CBL: variants seen among roughly 807,000 people sequenced by gnomAD.
The protein encoded by CBL is E3 ubiquitin-protein ligase CBL.
A neutral mutation model predicts 96.9 loss-of-function variants in CBL; 45 were observed. The observed-to-expected ratio is 0.46, with a 90% CI of 0.37 to 0.60. The LOEUF (loss-of-function observed/expected upper bound fraction) is 0.60. Among genes scored for constraint, CBL ranks in the 20% least tolerant of loss-of-function variants. CBL has a pLI of 0.00. For synonymous variants in CBL, 420 were observed against 426.8 expected (o/e 0.98, Z 0.20); for missense variants, 1,024 against 1,143.5 (o/e 0.90, Z 1.51).
intron 1 of CBL, among the ~76,000 whole-genome samples, chr11:119,227,791 C>A (rs1334059715): frequency 6.6e-6 from 1 of 152,182 alleles, no homozygotes; most frequent in Non-Finnish European, 1.5e-5. Flanking sequence ...CTCAGGTGAT[C>A]CACCTGCCTT....
At chr11:119,255,252 G>A (rs570415828) in intron 2 of CBL, among the ~76,000 whole-genome samples, 16 of 152,094 alleles carry the variant, frequency 1.1e-4, no homozygotes, top group Non-Finnish European at 2.2e-4. Context: ...AGAAACTCCT[G>A]GCCAGAGGGA....
rs778266125 is a variant in CBL at position 119,302,562 on chromosome 11, C to G, written c.*2781C>G. The G allele has an allele frequency of 8.6e-6, 2 of 232,380 alleles. No homozygotes were observed. Among genetic ancestry groups the G allele is most frequent in the East Asian group, 6.1e-5 (1 of 16,462 alleles). The allele number at this position is 232,380 out of a possible 1,614,324, so 14.4% of individuals were successfully genotyped here. On this transcript the variant is annotated 3_prime_UTR_variant, in exon 16 of 16. Transcript: ENST00000264033. The stretch of plus-strand genomic sequence containing the variant: ...AAAAAAACCCACACTACTTTGTTCT[C>G]TTTTTCTCATATTCATTGGGCTGTT...
At chr11:119,237,215 CTTCT>C (rs1949552903) in intron 2 of CBL, among the ~76,000 whole-genome samples, 1 of 152,218 alleles carries the variant, frequency 6.6e-6, no homozygotes, top group Non-Finnish European at 1.5e-5. Flanking sequence ...GACTATTTAT[CTTCT>C]TTGGAGAAAC....
chr11:119,256,034 C>T (rs778002920), intron 2 of CBL, among the ~76,000 whole-genome samples: 19 of 150,252 alleles, frequency 1.3e-4, no homozygotes, highest in African/African-American at 4.2e-4. Flanking sequence ...TGCACCTGGC[C>T]GATACATTTA....
chr11:119,231,711 AAAAC>A (rs564610744), intron 1 of CBL, among the ~76,000 whole-genome samples: 32 of 152,170 alleles, frequency 2.1e-4, no homozygotes, highest in Admixed American at 5.9e-4. Context: ...TCTGTCTCAA[AAAAC>A]AAACAAACAA....
chr11:119,228,600 C>T (rs1592375671), intron 1 of CBL, among the ~76,000 whole-genome samples: 1 of 149,826 alleles, frequency 6.7e-6, no homozygotes, highest in Non-Finnish European at 1.5e-5. Context: ...GAGCAAAACT[C>T]CATCTCAAAA....
chr11:119,298,673 A>C, intron 15 of CBL, 133 bp downstream of exon 15: 1 of 820,580 alleles, frequency 1.2e-6, no homozygotes, highest in Non-Finnish European at 2.1e-6. Flanking sequence ...AATGGGAGGA[A>C]AGTCCCAAGT....
intron 1 of CBL, among the ~76,000 whole-genome samples, chr11:119,212,353 T>G (rs1949324971): frequency 6.6e-6 from 1 of 151,984 alleles, no homozygotes; most frequent in African/African-American, 2.4e-5. Flanking sequence ...GCCGGGTGTG[T>G]GGTGGCTCAT....
intron 2 of CBL, among the ~76,000 whole-genome samples, chr11:119,238,206 A>G (rs1244622330): frequency 6.9e-6 from 1 of 145,528 alleles, no homozygotes; most frequent in Non-Finnish European, 1.5e-5. Context: ...CAGCCTGTCA[A>G]TTTGATCCCA....
At chr11:119,286,716 G>A (rs1949987249) in intron 11 of CBL, among the ~76,000 whole-genome samples, 1 of 152,136 alleles carries the variant, frequency 6.6e-6, no homozygotes, top group African/African-American at 2.4e-5. Context: ...GAAGGGGGTA[G>A]GTTATTGGTC....
chr11:119,237,100 T>C (rs1165768831), intron 2 of CBL, among the ~76,000 whole-genome samples: 2 of 152,212 alleles, frequency 1.3e-5, no homozygotes, highest in Admixed American at 6.5e-5. Context: ...CACCTATTAG[T>C]CACCTAGTAG....
At position 119,206,457 on chromosome 11, in the gene CBL, G is replaced by A. The variant is rs1565851542; in HGVS notation, c.40G>A (p.Gly14Ser). Residue 14 changes from glycine (G) to serine (S), a missense_variant, in exon 1 of 16, where the codon GGC becomes AGC. This residue lies in a region of CBL where 114 missense variants were observed against 117.4 expected (regional missense o/e 0.97). Transcript: ENST00000264033. ...GAAGAAGAGCTCTGGGGCCGGGGGC[G>A]GCAGCGGCTCCGGGGGCTCGGGTTC... ...NVKKSSGAGG[G>S]SGSGGSGSGG... is the part of the protein sequence containing the mutation. The A allele has an allele frequency of 1.3e-6, 2 of 1,581,498 alleles. No individual in the cohort carries two copies. Among genetic ancestry groups the A allele is most frequent in the Non-Finnish European group, 1.7e-6 (2 of 1,167,842 alleles).
chr11:119,212,801 A>G (rs1949328868), intron 1 of CBL, among the ~76,000 whole-genome samples: 1 of 151,886 alleles, frequency 6.6e-6, no homozygotes, highest in Admixed American at 6.6e-5. Flanking sequence ...ACCTGAGGTC[A>G]GCAGTTTGAG....
In CBL at chr11:119,301,598, A is replaced by G. The variant is rs1252272674; in HGVS notation, c.*1817A>G. The G allele has an allele frequency of 4.3e-6, 1 of 233,144 alleles. No individual in the cohort carries two copies. The highest frequency in any genetic ancestry group is 1.8e-4 in the South Asian group (1 of 5,538). 14.4% of individuals were successfully genotyped at this position (233,144 alleles called of 1,614,324 possible). ...CGTCTCTTGGCATTCAGCTACTCCT[A>G]GATCTTTTGGTTTTATCCCCTGGCC... On this transcript the variant is annotated 3_prime_UTR_variant, in exon 16 of 16. Transcript: ENST00000264033.
At chr11:119,259,068 A>T (rs1342553859) in intron 2 of CBL, among the ~76,000 whole-genome samples, 1 of 152,064 alleles carries the variant, frequency 6.6e-6, no homozygotes, top group African/African-American at 2.4e-5. Context: ...TGAGTTCTTG[A>T]TTTGATTCTC....
intron 1 of CBL, 115 bp downstream of exon 1, chr11:119,206,727 G>C (rs1949272490): frequency 8.3e-7 from 1 of 1,198,670 alleles, no homozygotes; most frequent in Non-Finnish European, 1.1e-6. Context: ...TGAAGCCGGG[G>C]AGGCGCGGAG....
intron 2 of CBL, among the ~76,000 whole-genome samples, chr11:119,265,361 G>A (rs1949793897): frequency 6.6e-6 from 1 of 152,124 alleles, no homozygotes; most frequent in Non-Finnish European, 1.5e-5. Flanking sequence ...ATAGTCTGAG[G>A]TTTGGCAAAT....
intron 1 of CBL, among the ~76,000 whole-genome samples, chr11:119,212,701 A>T (rs374548466): frequency 1.3e-5 from 2 of 151,476 alleles, no homozygotes; most frequent in Non-Finnish European, 2.9e-5. Context: ...ATTAACTAGT[A>T]GTATTTTTAA....
At chr11:119,277,664 T>C in intron 6 of CBL, 93 bp from the exon 7 acceptor site, 1 of 829,740 alleles carries the variant, frequency 1.2e-6, no homozygotes, top group Middle Eastern at 2.2e-4. Context: ...GTTGCCCTTT[T>C]AGAATGGAGA....
Sources: gnomAD v4.1 joint callset for allele counts (sites outside exome capture counted in the v4.1 genomes callset) on GRCh38, gnomAD v4.1.1 for gene constraint, gnomAD v4.1.1 regional missense constraint, MANE v1.5 for transcripts, NCBI Gene and HGNC (gene_info 2026-07-23, HGNC 2026-07-21) for gene names.